Variants in PCDHGB1 observed in about 807,000 individuals in gnomAD.
The protein encoded by PCDHGB1 is protocadherin gamma-B1.
A neutral mutation model predicts 56.6 loss-of-function variants in PCDHGB1; 34 were observed. The ratio of observed to expected loss-of-function variants is 0.60; its 90% CI spans 0.46 to 0.80. The LOEUF (loss-of-function observed/expected upper bound fraction) is 0.80, where lower values mean the gene tolerates loss of function less well. Among genes scored for constraint, PCDHGB1 ranks in the 30% least tolerant of loss-of-function variants. The pLI, the probability that PCDHGB1 is intolerant of heterozygous loss-of-function variation, is 0.00. For synonymous variants in PCDHGB1, 561 were observed against 505.9 expected (o/e 1.11, Z -1.46); for missense variants, 1,278 against 1,204.6 (o/e 1.06, Z -0.90).
At chr5:141,355,175 A>G (rs369875631) in intron 1 of PCDHGB1, 1 of 1,579,066 alleles carries the variant, frequency 6.3e-7, no homozygotes, top group African/African-American at 1.4e-5. Context: ...AAACCGAAGC[A>G]CAGGCGACTC....
Position 141,487,544 on chromosome 5 carries a change from C to A in PCDHGB1, c.2410-7263C>A. 1 of 1,614,190 alleles carries A rather than the reference C, an allele frequency of 6.2e-7. No homozygotes were observed. The highest frequency in any genetic ancestry group is 1.1e-5 in the South Asian group (1 of 91,088). On this transcript the variant is annotated intron_variant, in intron 1 of 3. Transcript: ENST00000523390. This position sits in a 1 kb window ranked among gnomAD's most constrained non-coding sequence, Gnocchi z 5.0. ...TGATAGCTTCATGATGGTGAAGTCA[C>A]CCAGTGCACCTATGGCAGGGGAGCC... is the stretch of plus-strand genomic sequence containing the variant.
intron 1 of PCDHGB1, chr5:141,419,601 C>T (rs753678898): frequency 6.2e-7 from 1 of 1,611,818 alleles, no homozygotes; most frequent in South Asian, 1.1e-5. Context: ...GTGCCGCGGG[C>T]CGCGCAGCCA....
rs1222995612 is a variant in PCDHGB1, at chr5:141,351,266, G to A, written c.1006G>A (p.Glu336Lys). The change falls in exon 1 of 4, where the codon GAG (glutamate) becomes AAG (lysine). Residue 336 changes from glutamate (E) to lysine (K), a missense_variant. Transcript: ENST00000523390. ...TAATGTTCAAATAGAAATTGTTGAC[G>A]AGAATGACAATGCCCCAGAGGTGAC... ...HCNVQIEIVD[E>K]NDNAPEVTFM... 26 of 1,613,812 alleles carry A rather than the reference G, an allele frequency of 1.6e-5. No homozygotes were observed. Among genetic ancestry groups the A allele is most frequent in the Non-Finnish European group, 2.0e-5 (24 of 1,179,854 alleles).
rs748457785 is a variant in PCDHGB1 at position 141,489,197 on chromosome 5, A to G, written c.2410-5610A>G. On this transcript the variant is annotated intron_variant, in intron 1 of 3. Coordinates refer to ENST00000523390, the MANE Select transcript of PCDHGB1 (RefSeq NM_018922.3). This position sits in a 1 kb window ranked among gnomAD's most constrained non-coding sequence, Gnocchi z 4.5. ...TCCAAGCCCTGGGTCTACCTTGGAG[A>G]CAGGACAGCACAGACTTACTCTCCA... 7 of 1,391,050 alleles carry G rather than the reference A, an allele frequency of 5.0e-6. No individual in the cohort carries two copies. Among genetic ancestry groups the G allele is most frequent in the African/African-American group, 2.9e-5 (2 of 69,150 alleles). 86.2% of individuals were successfully genotyped at this position (1,391,050 alleles called of 1,614,324 possible).
chr5:141,362,467 C>T (rs771966305), intron 1 of PCDHGB1: 58 of 1,614,052 alleles, frequency 3.6e-5, no homozygotes, highest in Middle Eastern at 1.6e-4. Context: ...GGTTCCCGCG[C>T]AAGATCTCGT....
intron 1 of PCDHGB1, among the ~76,000 whole-genome samples, chr5:141,444,106 G>A (rs2098417269): frequency 7.6e-6 from 1 of 131,112 alleles, no homozygotes; most frequent in South Asian, 2.6e-4. Flanking sequence ...TGGAAACCAA[G>A]AAAAGTGAAG....
rs749976408 is a variant in PCDHGB1 at position 141,351,705 on chromosome 5, G to A, written c.1445G>A (p.Arg482Lys). Residue 482 changes from arginine (R) to lysine (K), a missense_variant, in exon 1 of 4, where the codon AGA becomes AAA. Coordinates refer to ENST00000523390, the MANE Select transcript of PCDHGB1 (RefSeq NM_018922.3). Reference protein sequence around the residue: ...ASDPDLGPNGRVSYSILASDL... With the variant: ...ASDPDLGPNGKVSYSILASDL... ...GACCCGGATTTGGGACCCAACGGCA[G>A]AGTCTCCTACTCTATTCTGGCCAGT... 2 of 1,613,926 alleles carry A rather than the reference G, an allele frequency of 1.2e-6. No homozygotes were observed. Among genetic ancestry groups the A allele is most frequent in the East Asian group, 2.2e-5 (1 of 44,878 alleles).
At chr5:141,365,386 G>T (rs115453161) in intron 1 of PCDHGB1, 2 of 1,613,816 alleles carry the variant, frequency 1.2e-6, no homozygotes, top group African/African-American at 1.3e-5. Context: ...TCACCTCTCT[G>T]ACCAGTTCGA....
At chr5:141,479,470 T>G (rs2099497188) in intron 1 of PCDHGB1, 1 of 152,250 alleles carries the variant, frequency 6.6e-6, no homozygotes, top group African/African-American at 2.4e-5. Context: ...CAGTGACCTC[T>G]TGGGAGGGCA....
In PCDHGB1 at chr5:141,485,872, G is replaced by A; in HGVS notation, c.2410-8935G>A. ...CCGCAGAGCTCCGGGTATCCGTGCT[G>A]GACGTAAACGACAACGCCCCAGCCT... On this transcript the variant is annotated intron_variant, in intron 1 of 3. Transcript: ENST00000523390. The surrounding 1 kb of genome is among the most constrained non-coding windows in gnomAD (Gnocchi z 5.7). 1 of 1,614,170 alleles carries A rather than the reference G, an allele frequency of 6.2e-7. No homozygotes were observed. The highest frequency in any genetic ancestry group is 2.2e-5 in the East Asian group (1 of 44,876).
chr5:141,405,822 T>C (rs1055689569), intron 1 of PCDHGB1, among the ~76,000 whole-genome samples: 2 of 151,888 alleles, frequency 1.3e-5, no homozygotes, highest in African/African-American at 4.8e-5. Flanking sequence ...CTGTCTGTAC[T>C]TAAGGTAGTA....
At chr5:141,430,383 GA>G (rs139772145) in intron 1 of PCDHGB1, among the ~76,000 whole-genome samples, 3,229 of 138,382 alleles carry the variant, frequency 0.023, 41 homozygotes, top group African/African-American at 0.033. Flanking sequence ...AGCTCATTGG[GA>G]AAAAAAAAAA....
rs754140602 is a variant in PCDHGB1 at position 141,410,043 on chromosome 5, C to G, written c.2409+57374C>G. Reference sequence around the variant, plus strand: ...TACCACGTGCTGCAGGCCAGTGAGCCCGGACTCTTCAGCCTGGGGCTGCGC... The same window carrying G: ...TACCACGTGCTGCAGGCCAGTGAGCGCGGACTCTTCAGCCTGGGGCTGCGC... On this transcript the variant is annotated intron_variant, in intron 1 of 3. Transcript: ENST00000523390. 13 of 1,613,080 alleles carry G rather than the reference C, an allele frequency of 8.1e-6. No homozygotes were observed. The South Asian group carries it at 1.2e-4, about 15-fold the overall frequency.
Position 141,360,493 on chromosome 5 carries a change from G to A in PCDHGB1, c.2409+7824G>A, listed in dbSNP as rs62621827. On this transcript the variant is annotated intron_variant, in intron 1 of 3. Transcript: ENST00000523390. ...AAATCCACTAAATATTTTCTACATA[G>A]CAGTAATTGTGCAGGATATAAATGA... 2,547 of 1,613,892 alleles carry A rather than the reference G, an allele frequency of 1.6e-3. 41 individuals are homozygous for A. In the African/African-American group the frequency reaches 0.029, roughly 18 times the overall value.
chr5:141,380,878 G>C (rs1776818511), intron 1 of PCDHGB1, among the ~76,000 whole-genome samples: 1 of 152,198 alleles, frequency 6.6e-6, no homozygotes, highest in African/African-American at 2.4e-5. Flanking sequence ...CTCCAAACAT[G>C]AAAGTTTGTT....
Position 141,489,084 on chromosome 5 carries a change from C to T in PCDHGB1, c.2410-5723C>T, listed in dbSNP as rs1232276875. On this transcript the variant is annotated intron_variant, in intron 1 of 3. Transcript: ENST00000523390. This position sits in a 1 kb window ranked among gnomAD's most constrained non-coding sequence, Gnocchi z 4.5. ...CTCCCCCCTGCCCACCCCCGCCACTCGGTGACTAAGAACTGCTGCAAGCAG... is the reference window on the plus strand; with the variant it reads ...CTCCCCCCTGCCCACCCCCGCCACTTGGTGACTAAGAACTGCTGCAAGCAG... The T allele has an allele frequency of 1.5e-5, 5 of 329,072 alleles. No homozygotes were observed. Among genetic ancestry groups the T allele is most frequent in the South Asian group, 1.3e-4 (2 of 15,846 alleles). The allele number at this position is 329,072 out of a possible 1,614,324, so 20.4% of individuals were successfully genotyped here. A position where few individuals can be genotyped will look rare whatever the true frequency, so the allele number is the denominator to read the frequency against.
intron 1 of PCDHGB1, among the ~76,000 whole-genome samples, chr5:141,446,727 A>G (rs546345866): frequency 6.6e-6 from 1 of 152,258 alleles, no homozygotes; most frequent in African/African-American, 2.4e-5. Context: ...TCGGCCTCCC[A>G]AAGTGTGGGG....
In PCDHGB1 at chr5:141,491,958, A is replaced by C; in HGVS notation, c.2410-2849A>C. The C allele has an allele frequency of 2.0e-6, 2 of 999,758 alleles. No homozygotes were observed. Among genetic ancestry groups the C allele is most frequent in the Non-Finnish European group, 2.8e-6 (2 of 718,534 alleles). The allele number at this position is 999,758 out of a possible 1,614,324, so 61.9% of individuals were successfully genotyped here. The stretch of plus-strand genomic sequence containing the variant: ...ACCGACCCCCACCCCTACACTCAAA[A>C]AAGGCCGGGGCCTCCTTCGAGCTTC... On this transcript the variant is annotated intron_variant, in intron 1 of 3. Coordinates refer to ENST00000523390, the MANE Select transcript of PCDHGB1 (RefSeq NM_018922.3). The surrounding 1 kb of genome is among the most constrained non-coding windows in gnomAD (Gnocchi z 6.9).
intron 3 of PCDHGB1, among the ~76,000 whole-genome samples, chr5:141,509,066 C>A (rs1215686419): frequency 6.6e-6 from 1 of 152,172 alleles, no homozygotes; most frequent in Non-Finnish European, 1.5e-5. Context: ...GCTCTCAGCT[C>A]CGGGGATTTG....
Sources: allele counts gnomAD v4.1 joint callset (sites outside exome capture counted in the v4.1 genomes callset), GRCh38; gene constraint gnomAD v4.1.1; non-coding constraint Gnocchi (gnomAD v3.1); transcripts MANE v1.5; gene names NCBI Gene and HGNC (gene_info 2026-07-23, HGNC 2026-07-21).